The following TTC34 variants were observed in gnomAD, a reference collection of about 807,000 sequenced individuals.
The protein encoded by TTC34 is tetratricopeptide repeat domain 34.
A neutral mutation model predicts 40.7 loss-of-function variants in TTC34; 44 were observed. That is an observed-to-expected ratio of 1.08 (90% CI 0.85 to 1.39). The LOEUF is 1.39. Ranked by LOEUF, TTC34 falls within the 40% of genes most tolerant of loss-of-function variation. The pLI, the probability that TTC34 is intolerant of heterozygous loss-of-function variation, is 0.00. For missense variants in TTC34, 884 were observed against 838.0 expected (o/e 1.05, Z -0.68); for synonymous variants, 422 against 398.6 (o/e 1.06, Z -0.70).
chr1:2,660,662 T>C (rs1487712559), intron 6 of TTC34, among the ~76,000 whole-genome samples: 440 of 6,252 alleles, frequency 0.07, 13 homozygotes, highest in Middle Eastern at 0.5. Context: ...TCAGGAGCAG[T>C]GCCCACACAC....
intron 6 of TTC34, among the ~76,000 whole-genome samples, chr1:2,687,064 G>A (rs1344127804): frequency 2.1e-5 from 3 of 141,822 alleles, no homozygotes; most frequent in Non-Finnish European, 4.5e-5. Flanking sequence ...GCATCCGACA[G>A]CCTGGAGCAG....
intron 6 of TTC34, among the ~76,000 whole-genome samples, chr1:2,694,853 T>C (rs1241187938): frequency 1.6e-3 from 36 of 23,110 alleles, no homozygotes; most frequent in South Asian, 3.6e-3. Context: ...CATCTGATGG[T>C]CTGGAGCAGC....
chr1:2,653,707 A>T (rs2100223835), intron 6 of TTC34, among the ~76,000 whole-genome samples: 1 of 152,068 alleles, frequency 6.6e-6, no homozygotes, highest in Admixed American at 6.5e-5. Context: ...TGAGCATCTG[A>T]TGGTCTGGAG....
intron 6 of TTC34, among the ~76,000 whole-genome samples, chr1:2,760,523 A>T (rs1641660262): frequency 2.0e-5 from 1 of 49,780 alleles, no homozygotes; most frequent in Non-Finnish European, 3.1e-5. Flanking sequence ...CAGCACCCAC[A>T]CCCCCAGGTG....
Position 2,783,493 on chromosome 1 carries a change from C to T in TTC34, c.2226+116G>A, listed in dbSNP as rs957129354. The T allele has an allele frequency of 2.0e-5, 21 of 1,059,568 alleles. 1 individual carries two copies. In the African/African-American group the frequency reaches 2.6e-4, roughly 13 times the overall value. 65.6% of individuals were successfully genotyped at this position (1,059,568 alleles called of 1,614,324 possible). The stretch of plus-strand genomic sequence containing the variant: ...GGATGGGAACATGGGTTTTGATGGG[C>T]ATCTCACTGCTCAGGATGGCCTACC... On this transcript the variant is annotated intron_variant, in intron 6 of 8. Transcript: ENST00000401095.
At chr1:2,787,624 C>G in exon 4 of TTC34, 1 of 1,549,976 alleles carries the variant, frequency 6.5e-7, no homozygotes, top group South Asian at 1.2e-5. Context: ...TACAGGGCAT[C>G]AGCCGCCAGG....
intron 6 of TTC34, among the ~76,000 whole-genome samples, chr1:2,681,099 C>T (rs1485866265): frequency 5.8e-5 from 5 of 85,764 alleles, no homozygotes; most frequent in Non-Finnish European, 8.3e-5. Flanking sequence ...GAGCAGTGCC[C>T]ACACCCCCAG....
At chr1:2,641,706 G>C in exon 9 of TTC34, 1 of 1,535,538 alleles carries the variant, frequency 6.5e-7, no homozygotes, top group Non-Finnish European at 8.7e-7. Context: ...CCATCCCCCA[G>C]CGCCTCCTGG....
chr1:2,683,301 GAATCCA>G (rs1640161120), intron 6 of TTC34, among the ~76,000 whole-genome samples: 1 of 150,252 alleles, frequency 6.7e-6, no homozygotes, highest in African/African-American at 2.5e-5. Flanking sequence ...GCCTGGAACA[GAATCCA>G]CACCCCCAGG....
chr1:2,768,182 G>C (rs1478037420), intron 6 of TTC34, among the ~76,000 whole-genome samples: 1 of 151,876 alleles, frequency 6.6e-6, no homozygotes, highest in Non-Finnish European at 1.5e-5. Flanking sequence ...GTGAGCATCT[G>C]ACAGCCTGGA....
At chr1:2,771,315 T>C (rs1417873976) in intron 6 of TTC34, among the ~76,000 whole-genome samples, 1 of 47,934 alleles carries the variant, frequency 2.1e-5, no homozygotes, top group Non-Finnish European at 3.4e-5. Flanking sequence ...TGGAATGGCA[T>C]CCTCACCTCC....
intron 6 of TTC34, among the ~76,000 whole-genome samples, chr1:2,687,100 G>A (rs561583105): frequency 7.0e-6 from 1 of 142,492 alleles, no homozygotes. Context: ...GTGAACATCC[G>A]ACATCGTGGA....
At chr1:2,676,972 C>T (rs1226389637) in intron 6 of TTC34, among the ~76,000 whole-genome samples, 2 of 135,170 alleles carry the variant, frequency 1.5e-5, no homozygotes, top group South Asian at 2.5e-4. Context: ...CCTGCACCCC[C>T]AGGTGAGCAT....
chr1:2,639,437 C>T (rs1638855170), exon 9 of TTC34: 2 of 152,604 alleles, frequency 1.3e-5, no homozygotes, highest in East Asian at 3.9e-4. Flanking sequence ...TCCCCACTGC[C>T]TCCACCTGGC....
intron 6 of TTC34, among the ~76,000 whole-genome samples, chr1:2,749,726 C>G (rs1206533781): frequency 2.1e-5 from 2 of 93,630 alleles, no homozygotes; most frequent in South Asian, 4.6e-4. Context: ...CACGCACAAC[C>G]CCAGGTGAGC....
At chr1:2,641,229 GAGGGCTGGGA>G in exon 9 of TTC34, 1 of 935,176 alleles carries the variant, frequency 1.1e-6, no homozygotes. Flanking sequence ...GGTGTGTGGG[GAGGGCTGGGA>G]AGGGGGTGTG....
chr1:2,800,408 C>T, exon 2 of TTC34: 1 of 398,488 alleles, frequency 2.5e-6, no homozygotes, highest in Non-Finnish European at 4.4e-6. Flanking sequence ...CGCGGGTCAG[C>T]CGCAGCTCCA....
chr1:2,699,635 C>A lies in TTC34; in HGVS notation c.2227-54072G>T, dbSNP rs530894813. ...ACACACCCAGGTCAGCATCTGACAG[C>A]CTGGTGAAGCGCCCAAACCCCAAGG... On this transcript the variant is annotated intron_variant, in intron 6 of 8. Coordinates refer to ENST00000401095, the Ensembl canonical transcript of TTC34. 7.2e-3 allele frequency among the ~76,000 whole-genome samples: 550 copies of A among 76,560 alleles called. 11 individuals are homozygous for A. Among genetic ancestry groups the A allele is most frequent in the African/African-American group, 0.019 (527 of 27,566 alleles). The allele number at this position is 76,560 out of a possible 152,430, so 50.2% of individuals were successfully genotyped here.
intron 6 of TTC34, among the ~76,000 whole-genome samples, chr1:2,754,673 C>G (rs1424227813): frequency 2.0e-5 from 2 of 99,138 alleles, no homozygotes; most frequent in Non-Finnish European, 3.8e-5. Context: ...AGGCGAGCAT[C>G]TGAACGCAAG....
Sources: allele counts gnomAD v4.1 joint callset (sites outside exome capture counted in the v4.1 genomes callset), GRCh38; gene constraint gnomAD v4.1.1; transcripts MANE v1.5; gene names NCBI Gene and HGNC (gene_info 2026-07-23, HGNC 2026-07-21).